GNAQ: variants seen among roughly 807,000 people sequenced by gnomAD.
GNAQ encodes the protein guanine nucleotide-binding protein G(q) subunit alpha.
In GNAQ, 8 loss-of-function variants were observed where a neutral mutation model predicts 43.9. The observed-to-expected ratio is 0.18, with a 90% CI of 0.11 to 0.33. GNAQ has a LOEUF of 0.33. GNAQ is among the 10% of genes least tolerant of loss of function. GNAQ has a pLI of 1.00. For synonymous variants in GNAQ, 155 were observed against 170.7 expected, an observed-to-expected ratio of 0.91 and a Z score of 0.71; for missense variants, 158 against 450.8, an observed-to-expected ratio of 0.35 and a Z score of 5.88.
chr9:77,780,418 T>C (rs778572875), intron 5 of GNAQ, among the ~76,000 whole-genome samples: 23 of 146,804 alleles, frequency 1.6e-4, no homozygotes, highest in Non-Finnish European at 3.0e-4. Context: ...ATTCTATCCA[T>C]GTTGCTGCAA....
intron 1 of GNAQ, among the ~76,000 whole-genome samples, chr9:77,959,758 C>T (rs1823085459): frequency 6.6e-6 from 1 of 152,078 alleles, no homozygotes; most frequent in African/African-American, 2.4e-5. Context: ...TAAAAAAAAT[C>T]AGAAGAGTCT....
chr9:77,912,130 T>A (rs1021406325), intron 2 of GNAQ, among the ~76,000 whole-genome samples: 1 of 152,192 alleles, frequency 6.6e-6, no homozygotes, highest in African/African-American at 2.4e-5. Context: ...CTGAGTGACT[T>A]CTACTGCTGC....
chr9:77,981,956 T>C (rs964255679), intron 1 of GNAQ, among the ~76,000 whole-genome samples: 2 of 152,166 alleles, frequency 1.3e-5, no homozygotes, highest in Non-Finnish European at 2.9e-5. Flanking sequence ...ACTGACTTGA[T>C]AGATTTGAGG....
rs150954560 is a variant in GNAQ at position 77,934,928 on chromosome 9, C to G, written c.137-12583G>C. Among the ~76,000 whole-genome samples the G allele has an allele frequency of 4.9e-3, 739 of 152,204 alleles. 7 individuals are homozygous for G. Among genetic ancestry groups the G allele is most frequent in the African/African-American group, 0.017 (713 of 41,532 alleles). On this transcript the variant is annotated intron_variant, in intron 1 of 6. Coordinates refer to ENST00000286548, the MANE Select transcript of GNAQ (RefSeq NM_002072.5). ...GATCATGAGGTCAAGAGTTCAAGAC[C>G]AGCCTGATCAACATGGTGGAACCCC...
chr9:77,951,323 C>A (rs1822973844), intron 1 of GNAQ, among the ~76,000 whole-genome samples: 1 of 152,054 alleles, frequency 6.6e-6, no homozygotes, highest in African/African-American at 2.4e-5. Context: ...GTCTTGAACT[C>A]CTGGCCTCAA....
intron 3 of GNAQ, among the ~76,000 whole-genome samples, chr9:77,804,677 A>T (rs1158673686): frequency 6.6e-6 from 1 of 152,132 alleles, no homozygotes; most frequent in African/African-American, 2.4e-5. Context: ...GGGGCTTTCA[A>T]TGTAGCATGA....
At chr9:78,030,114 T>G (rs1824031503) in intron 1 of GNAQ, among the ~76,000 whole-genome samples, 1 of 152,220 alleles carries the variant, frequency 6.6e-6, no homozygotes, top group Admixed American at 6.5e-5. Flanking sequence ...TTCCCGTTTT[T>G]CCTTCTCGCC....
intron 2 of GNAQ, among the ~76,000 whole-genome samples, chr9:77,839,070 C>T (rs954942842): frequency 2.0e-5 from 3 of 152,196 alleles, no homozygotes; most frequent in Non-Finnish European, 4.4e-5. Flanking sequence ...GCCTCTTTCC[C>T]TTCCCTGATG....
intron 2 of GNAQ, among the ~76,000 whole-genome samples, chr9:77,912,513 A>G (rs951209302): frequency 6.6e-6 from 1 of 152,206 alleles, no homozygotes; most frequent in African/African-American, 2.4e-5. Context: ...TTAAAAGGAC[A>G]CAAAAAAGCA....
intron 1 of GNAQ, among the ~76,000 whole-genome samples, chr9:77,998,512 G>A (rs963438965): frequency 2.6e-5 from 4 of 152,096 alleles, no homozygotes; most frequent in African/African-American, 9.7e-5. Flanking sequence ...TTCACATCTG[G>A]ACTGTCACTG....
intron 2 of GNAQ, among the ~76,000 whole-genome samples, chr9:77,899,496 G>A (rs1231697752): frequency 6.6e-6 from 1 of 151,384 alleles, no homozygotes; most frequent in Non-Finnish European, 1.5e-5. Flanking sequence ...AAGAGTGAGT[G>A]GATACTATCC....
chr9:77,939,709 A>C (rs1829287568), intron 1 of GNAQ, among the ~76,000 whole-genome samples: 1 of 152,204 alleles, frequency 6.6e-6, no homozygotes, highest in Admixed American at 6.5e-5. Flanking sequence ...CTAATTTTAG[A>C]GTAGGTAATT....
At position 77,716,289 on chromosome 9, in the gene GNAQ, C is replaced by G. The variant is rs535616673; in HGVS notation, c.*5034G>C. ...TAGTACAAAATTATGGCCAAAAATA[C>G]TGTATTTTTAACCAGCAAGATCATT... On this transcript the variant is annotated 3_prime_UTR_variant, in exon 7 of 7. Transcript: ENST00000286548. 1.7e-5 allele frequency: 4 copies of G among 231,044 alleles called. No homozygotes were observed. The highest frequency in any genetic ancestry group is 3.4e-5 in the Non-Finnish European group (4 of 116,824). The allele number at this position is 231,044 out of a possible 1,614,324, so 14.3% of individuals were successfully genotyped here.
At chr9:77,791,762 G>C (rs1272163478) in intron 5 of GNAQ, among the ~76,000 whole-genome samples, 3 of 152,126 alleles carry the variant, frequency 2.0e-5, no homozygotes, top group African/African-American at 7.2e-5. Context: ...AGTTTCCTGG[G>C]ATAGAAAGAA....
intron 3 of GNAQ, among the ~76,000 whole-genome samples, chr9:77,799,456 G>A (rs1826708962): frequency 6.6e-6 from 1 of 152,168 alleles, no homozygotes; most frequent in Non-Finnish European, 1.5e-5. Flanking sequence ...CTAAAAGAAT[G>A]CCAGACAAAT....
At chr9:77,953,083 C>T (rs1823001412) in intron 1 of GNAQ, among the ~76,000 whole-genome samples, 1 of 152,138 alleles carries the variant, frequency 6.6e-6, no homozygotes, top group Non-Finnish European at 1.5e-5. Flanking sequence ...CTCTGTGAAG[C>T]CTACTAGCTG....
chr9:77,996,795 C>T (rs1823575502), intron 1 of GNAQ, among the ~76,000 whole-genome samples: 1 of 151,848 alleles, frequency 6.6e-6, no homozygotes, highest in African/African-American at 2.4e-5. Flanking sequence ...AATTTTGTAA[C>T]CCTTATATTT....
intron 5 of GNAQ, among the ~76,000 whole-genome samples, chr9:77,741,190 T>C (rs749225286): frequency 7.9e-5 from 12 of 152,214 alleles, no homozygotes; most frequent in Non-Finnish European, 1.3e-4. Flanking sequence ...TAAAACAGCA[T>C]TGAATACTCA....
At chr9:77,886,866 T>C (rs1006972707) in intron 2 of GNAQ, among the ~76,000 whole-genome samples, 1 of 151,764 alleles carries the variant, frequency 6.6e-6, no homozygotes, top group African/African-American at 2.4e-5. Context: ...ATCCCAGCAC[T>C]TTGGGAGGCT....
Sources: gnomAD v4.1 joint callset for allele counts (sites outside exome capture counted in the v4.1 genomes callset) on GRCh38, gnomAD v4.1.1 for gene constraint, MANE v1.5 for transcripts, NCBI Gene and HGNC (gene_info 2026-07-23, HGNC 2026-07-21) for gene names.